HHLA1: variants seen among roughly 807,000 people sequenced by gnomAD.
HHLA1 encodes the protein HERV-H LTR-associating protein 1.
In HHLA1, 72 loss-of-function variants were observed where a neutral mutation model predicts 69.9. The ratio of observed to expected loss-of-function variants is 1.03; its 90% confidence interval spans 0.85 to 1.25. The LOEUF is 1.25. Ranked by LOEUF, HHLA1 falls within the 50% of genes most tolerant of loss-of-function variation. The probability of loss-of-function intolerance (pLI) is 0.00; values close to 1 mark genes in which losing one functional copy is unlikely to be tolerated. For synonymous variants in HHLA1, 252 were observed against 233.2 expected, an observed-to-expected ratio of 1.08 and a Z score of -0.73; for missense variants, 685 against 642.2, an observed-to-expected ratio of 1.07 and a Z score of -0.72.
chr8:132,073,157 C>T (rs1823577480), intron 14 of HHLA1, among the ~76,000 whole-genome samples: 1 of 151,766 alleles, frequency 6.6e-6, no homozygotes, highest in African/African-American at 2.4e-5. Context: ...TTTTTTATTT[C>T]TTGTAGAGAT....
chr8:132,104,016 C>T (rs903976632), intron 3 of HHLA1, 92 bp downstream of exon 3: 2 of 817,754 alleles, frequency 2.4e-6, no homozygotes, highest in East Asian at 5.3e-5. Context: ...GATATAATCG[C>T]TGTCTTATCA....
intron 1 of HHLA1, among the ~76,000 whole-genome samples, chr8:132,109,704 GAT>G (rs1259645583): frequency 6.6e-6 from 1 of 152,158 alleles, no homozygotes; most frequent in African/African-American, 2.4e-5. Context: ...GGAGAACTGG[GAT>G]TTGAACCATG....
At chr8:132,078,457 C>G (rs116024689) in intron 11 of HHLA1, among the ~76,000 whole-genome samples, 3 of 152,128 alleles carry the variant, frequency 2.0e-5, no homozygotes, top group Admixed American at 2.0e-4. Context: ...AACACCTGCC[C>G]TCCAACATCA....
chr8:132,083,074 T>C (rs1307381228), intron 10 of HHLA1, among the ~76,000 whole-genome samples: 1 of 151,704 alleles, frequency 6.6e-6, no homozygotes, highest in Non-Finnish European at 1.5e-5. Context: ...ATCTTATACT[T>C]GTGGGTTAAG....
chr8:132,062,080 C>G lies in HHLA1; in HGVS notation c.*1915G>C, dbSNP rs1157736943. The G allele has an allele frequency of 6.6e-6, 1 of 152,204 alleles. No individual in the cohort carries two copies. The highest frequency in any genetic ancestry group is 1.9e-4 in the East Asian group (1 of 5,192). 9.4% of individuals were successfully genotyped at this position (152,204 alleles called of 1,614,324 possible). Reference sequence around the variant, plus strand: ...CTCTTTGAGGAACCTTGAGGACCCTCTCCTGTCAAAGGTCCTTAATTAATA... The same window carrying G: ...CTCTTTGAGGAACCTTGAGGACCCTGTCCTGTCAAAGGTCCTTAATTAATA... On this transcript the variant is annotated 3_prime_UTR_variant, in exon 17 of 17. Transcript: ENST00000414222.
rs1045774554 is a variant in HHLA1, at chr8:132,079,798, A to G, written c.845T>C (p.Leu282Pro). Reference sequence around the variant, plus strand: ...AAGCTCAGGAGGCCTGCCTGTGTTCAGGGTCTCCTCTGTTTCTGAAGGAGC... The same window carrying G: ...AAGCTCAGGAGGCCTGCCTGTGTTCGGGGTCTCCTCTGTTTCTGAAGGAGC... The part of the protein sequence containing the change: ...TAAPSETEET[L>P]NTGRPPELPA... The change falls in exon 11 of 17, where the codon CTG becomes CCG. Residue 282 changes from leucine (L) to proline (P), a missense_variant. By Grantham distance (98) the Leu-to-Pro change is moderately conservative. Coordinates refer to ENST00000414222, the MANE Select transcript of HHLA1 (RefSeq NM_001145095.3). The G allele has an allele frequency of 1.9e-6, 3 of 1,551,714 alleles. No individual in the cohort carries two copies. Among genetic ancestry groups the G allele is most frequent in the Non-Finnish European group, 1.7e-6 (2 of 1,146,990 alleles).
intron 10 of HHLA1, among the ~76,000 whole-genome samples, chr8:132,086,133 C>A (rs1214170673): frequency 6.6e-6 from 1 of 152,110 alleles, no homozygotes; most frequent in African/African-American, 2.4e-5. Context: ...TTGGTTGCTC[C>A]ATGAAGAAAA....
chr8:132,093,441 T>C (rs759940842), intron 7 of HHLA1, among the ~76,000 whole-genome samples: 2 of 152,068 alleles, frequency 1.3e-5, no homozygotes, highest in African/African-American at 2.4e-5. Flanking sequence ...GTTGAAAACA[T>C]TAAAAAGAAA....
At chr8:132,110,793 T>C (rs1824284040) in intron 1 of HHLA1, among the ~76,000 whole-genome samples, 2 of 152,220 alleles carry the variant, frequency 1.3e-5, no homozygotes, top group South Asian at 4.1e-4. Context: ...AGGCTTTGGA[T>C]TAAAGATTAT....
intron 12 of HHLA1, among the ~76,000 whole-genome samples, chr8:132,077,094 A>G (rs1823658378): frequency 6.6e-6 from 1 of 152,076 alleles, no homozygotes. Flanking sequence ...GTCTCCTTGT[A>G]GGAGACCAGT....
chr8:132,096,469 G>A (rs1483196390), intron 5 of HHLA1, among the ~76,000 whole-genome samples: 1 of 152,124 alleles, frequency 6.6e-6, no homozygotes, highest in Non-Finnish European at 1.5e-5. Context: ...ATTACAAAGT[G>A]GATATCTTTG....
intron 15 of HHLA1, among the ~76,000 whole-genome samples, chr8:132,067,749 T>C (rs1053292474): frequency 3.9e-5 from 6 of 152,224 alleles, no homozygotes; most frequent in Admixed American, 2.0e-4. Context: ...ATGAGACTGC[T>C]GCTACCCTTT....
intron 14 of HHLA1, among the ~76,000 whole-genome samples, chr8:132,072,249 G>A (rs57992855): frequency 0.056 from 8,513 of 152,152 alleles, 404 homozygotes; most frequent in East Asian, 0.19. Context: ...CCAACTTGTT[G>A]GGATCTGCTG....
chr8:132,084,974 C>T (rs1012479517), intron 10 of HHLA1, among the ~76,000 whole-genome samples: 2 of 151,232 alleles, frequency 1.3e-5, no homozygotes, highest in African/African-American at 4.9e-5. Context: ...TGGGATGTGC[C>T]GCTAAGGGTG....
In HHLA1 at chr8:132,106,725, A is replaced by G. The variant is rs541296795; in HGVS notation, c.-21-1439T>C. On this transcript the variant is annotated intron_variant, in intron 1 of 16. Coordinates refer to ENST00000414222, the MANE Select transcript of HHLA1 (RefSeq NM_001145095.3). ...CTTAGAAGATGTAGACACATGCCCA[A>G]CTAATTCACACTCAAGGCTGGCTGT... is the stretch of plus-strand genomic sequence containing the variant. Among the ~76,000 whole-genome samples, 5 of 152,338 alleles carry G rather than the reference A, an allele frequency of 3.3e-5. No individual in the cohort carries two copies. The South Asian group carries it at 6.2e-4, about 19-fold the overall frequency.
chr8:132,075,373 T>C (rs1323141651), intron 14 of HHLA1, among the ~76,000 whole-genome samples: 1 of 152,192 alleles, frequency 6.6e-6, no homozygotes, highest in African/African-American at 2.4e-5. Context: ...TCTTATGGAA[T>C]CTGGCTCAAC....
chr8:132,084,358 C>A (rs909186505), intron 10 of HHLA1, among the ~76,000 whole-genome samples: 3 of 151,802 alleles, frequency 2.0e-5, no homozygotes, highest in Admixed American at 6.6e-5. Context: ...GACTCAGCGA[C>A]GCTTGGGGTT....
chr8:132,077,845 C>T lies in HHLA1; in HGVS notation c.1052G>A (p.Arg351His), dbSNP rs192941170. ...CCCTGCAGTAGTCGGTGGGGAAGAA[C>T]GAGTTTCCCAGAGAGACCCTCCAGG... The part of the protein sequence containing the change: ...KKPGGSLWET[R>H]SSPPTTAGTE... Residue 351 changes from arginine to histidine, a missense_variant, in exon 12 of 17, where the codon CGT becomes CAT. Arg to His is a conservative substitution (Grantham distance 29). Coordinates refer to ENST00000414222, the MANE Select transcript of HHLA1 (RefSeq NM_001145095.3). 45 of 1,551,446 alleles carry T rather than the reference C, an allele frequency of 2.9e-5. No homozygotes were observed. The highest frequency in any genetic ancestry group is 1.2e-4 in the African/African-American group (9 of 73,064).
chr8:132,107,393 C>T (rs1824219008), intron 1 of HHLA1, among the ~76,000 whole-genome samples: 3 of 152,080 alleles, frequency 2.0e-5, no homozygotes, highest in South Asian at 4.1e-4. Context: ...CTCCGCCTCC[C>T]AGGTTCAAAT....
Sources: allele counts gnomAD v4.1 joint callset (sites outside exome capture counted in the v4.1 genomes callset), GRCh38; gene constraint gnomAD v4.1.1; transcripts MANE v1.5; gene names NCBI Gene and HGNC (gene_info 2026-07-23, HGNC 2026-07-21).